Variants in PLCXD3 observed in about 807,000 individuals in gnomAD.
PLCXD3 encodes the protein phosphatidylinositol specific phospholipase C X domain containing 3, also known as PI-PLC X domain-containing protein 3.
In PLCXD3, 19 loss-of-function variants were observed where a neutral mutation model predicts 25.5. The observed-to-expected ratio is 0.75, with a 90% CI of 0.52 to 1.09. The LOEUF is 1.09. Ranked by LOEUF, PLCXD3 falls within the 50% of genes least tolerant of loss-of-function variation. The probability of loss-of-function intolerance (pLI) is 0.00; values close to 1 mark genes in which losing one functional copy is unlikely to be tolerated. For synonymous variants in PLCXD3, 174 were observed against 137.6 expected (o/e 1.26, Z -1.85); for missense variants, 411 against 388.1 (o/e 1.06, Z -0.50).
intron 2 of PLCXD3, among the ~76,000 whole-genome samples, chr5:41,357,563 C>T (rs866028656): frequency 1.7e-4 from 26 of 152,302 alleles, no homozygotes; most frequent in Middle Eastern, 6.8e-3. Flanking sequence ...TCCCTATTTT[C>T]AAAGAGCTGA....
At chr5:41,433,294 T>C (rs1219557157) in intron 1 of PLCXD3, among the ~76,000 whole-genome samples, 1 of 152,186 alleles carries the variant, frequency 6.6e-6, no homozygotes, top group Non-Finnish European at 1.5e-5. Flanking sequence ...ATCTCCTGTT[T>C]GAGGATTTTA....
chr5:41,318,450 G>A (rs939070177), intron 2 of PLCXD3, among the ~76,000 whole-genome samples: 1 of 152,096 alleles, frequency 6.6e-6, no homozygotes, highest in Admixed American at 6.6e-5. Context: ...AAAGTGGGGG[G>A]ATGAAGTTAA....
chr5:41,308,725 T>G lies in PLCXD3; in HGVS notation c.*4892A>C, dbSNP rs1561226302. The stretch of plus-strand genomic sequence containing the variant: ...GATTGAATTTTAAAAAGTAATGGTT[T>G]GGAGAAACAATTTTTCATGGAAAAT... On this transcript the variant is annotated 3_prime_UTR_variant, in exon 3 of 3. Transcript: ENST00000377801. The G allele has an allele frequency of 6.6e-6, 1 of 152,102 alleles. No individual in the cohort carries two copies. The highest frequency in any genetic ancestry group is 1.5e-5 in the Non-Finnish European group (1 of 68,006). The allele number at this position is 152,102 out of a possible 1,614,324, so 9.4% of individuals were successfully genotyped here.
chr5:41,382,556 G>A, intron 1 of PLCXD3, 22 bp from the exon 2 acceptor site: 1 of 1,538,976 alleles, frequency 6.5e-7, no homozygotes. Context: ...ACAAGGCATA[G>A]TGTGGTTAAT....
Position 41,493,884 on chromosome 5 carries a change from C to G in PLCXD3, c.103+16540G>C, listed in dbSNP as rs544291077. On this transcript the variant is annotated intron_variant, in intron 1 of 2. Coordinates refer to ENST00000377801, the MANE Select transcript of PLCXD3 (RefSeq NM_001005473.3). ...AAAGGGAACTCCCTGACCCCTTGCA[C>G]TTCCTGAGTCAGACAATGCCTCGCC... Among the ~76,000 whole-genome samples the G allele has an allele frequency of 2.8e-4, 42 of 152,366 alleles. 1 individual carries two copies. The East Asian group carries it at 8.1e-3, about 29-fold the overall frequency.
chr5:41,348,636 T>G (rs553443484), intron 2 of PLCXD3, among the ~76,000 whole-genome samples: 146 of 151,880 alleles, frequency 9.6e-4, no homozygotes, highest in African/African-American at 3.2e-3. Context: ...AATTACTGAG[T>G]TTTTTTGTTT....
At chr5:41,342,699 G>A (rs1436103893) in intron 2 of PLCXD3, among the ~76,000 whole-genome samples, 4 of 152,064 alleles carry the variant, frequency 2.6e-5, no homozygotes, top group Admixed American at 6.6e-5. Context: ...TAGAACTTTT[G>A]TAGGAGAAAT....
rs551049039 is a variant in PLCXD3 at position 41,341,305 on chromosome 5, C to T, written c.813-27535G>A. Among the ~76,000 whole-genome samples, 6 of 152,144 alleles carry T rather than the reference C, an allele frequency of 3.9e-5. No individual in the cohort carries two copies. In the East Asian group the frequency reaches 5.8e-4, roughly 15 times the overall value. On this transcript the variant is annotated intron_variant, in intron 2 of 2. Coordinates refer to ENST00000377801, the MANE Select transcript of PLCXD3 (RefSeq NM_001005473.3). ...GTGGACAGCTTCCTAGCTGACTCTG[C>T]GAAGTCATTCTTGAAACCAAGACTG... is the stretch of plus-strand genomic sequence containing the variant.
intron 1 of PLCXD3, among the ~76,000 whole-genome samples, chr5:41,494,111 A>G (rs944625822): frequency 6.6e-6 from 1 of 152,054 alleles, no homozygotes; most frequent in Non-Finnish European, 1.5e-5. Flanking sequence ...TTACTTATTT[A>G]TTGTTAAGAC....
chr5:41,460,848 G>T (rs1211131122), intron 1 of PLCXD3, among the ~76,000 whole-genome samples: 2 of 151,880 alleles, frequency 1.3e-5, no homozygotes, highest in African/African-American at 4.8e-5. Context: ...TTCATTGTTT[G>T]GGAATTGTGA....
chr5:41,362,913 C>T (rs1029589225), intron 2 of PLCXD3, among the ~76,000 whole-genome samples: 1 of 152,222 alleles, frequency 6.6e-6, no homozygotes, highest in South Asian at 2.1e-4. Context: ...ACTTTGGCAT[C>T]TCTTCCTGTT....
rs185604630 is a variant in PLCXD3 at position 41,393,583 on chromosome 5, G to T, written c.104-11049C>A. Among the ~76,000 whole-genome samples the T allele has an allele frequency of 3.9e-5, 6 of 152,174 alleles. No individual in the cohort carries two copies. In the East Asian group the frequency reaches 5.8e-4, roughly 15 times the overall value. On this transcript the variant is annotated intron_variant, in intron 1 of 2. Transcript: ENST00000377801. ...TATTAAAAAGTCCTTCAAACAGAAAGAAAAGGACATTAATGAGCAATAAAT... is the reference window on the plus strand; with the variant it reads ...TATTAAAAAGTCCTTCAAACAGAAATAAAAGGACATTAATGAGCAATAAAT...
At chr5:41,384,638 T>C (rs759102715) in intron 1 of PLCXD3, among the ~76,000 whole-genome samples, 1 of 152,098 alleles carries the variant, frequency 6.6e-6, no homozygotes, top group Non-Finnish European at 1.5e-5. Flanking sequence ...GTTTTCAATA[T>C]GGCTTTAGTT....
chr5:41,420,701 T>C (rs1056315279), intron 1 of PLCXD3, among the ~76,000 whole-genome samples: 7 of 152,214 alleles, frequency 4.6e-5, no homozygotes, highest in African/African-American at 1.7e-4. Flanking sequence ...GAATTTATCT[T>C]TGCATGGCAG....
intron 1 of PLCXD3, among the ~76,000 whole-genome samples, chr5:41,493,626 G>A (rs1252924796): frequency 6.6e-6 from 1 of 152,254 alleles, no homozygotes; most frequent in East Asian, 1.9e-4. Flanking sequence ...ATCTAAGCAA[G>A]CCTGGGCAAT....
intron 1 of PLCXD3, among the ~76,000 whole-genome samples, chr5:41,405,401 C>T (rs749336001): frequency 3.3e-5 from 5 of 152,102 alleles, no homozygotes; most frequent in Non-Finnish European, 7.4e-5. Context: ...TGTCTTTCTC[C>T]TGAATTCACA....
At chr5:41,317,863 G>A (rs1213477523) in intron 2 of PLCXD3, among the ~76,000 whole-genome samples, 1 of 152,000 alleles carries the variant, frequency 6.6e-6, no homozygotes, top group Non-Finnish European at 1.5e-5. Flanking sequence ...CATGCCTACA[G>A]GATGCAGAAA....
intron 2 of PLCXD3, among the ~76,000 whole-genome samples, chr5:41,329,791 T>G (rs1419230240): frequency 6.7e-6 from 1 of 149,220 alleles, no homozygotes; most frequent in Non-Finnish European, 1.5e-5. Context: ...TATAATCAGA[T>G]GTATTTAATC....
At chr5:41,459,535 A>G (rs1747828365) in intron 1 of PLCXD3, among the ~76,000 whole-genome samples, 1 of 151,834 alleles carries the variant, frequency 6.6e-6, no homozygotes, top group Non-Finnish European at 1.5e-5. Context: ...CTAGCATCAC[A>G]CTGCTCAAGT....
Sources: gnomAD v4.1 joint callset for allele counts (sites outside exome capture counted in the v4.1 genomes callset) on GRCh38, gnomAD v4.1.1 for gene constraint, MANE v1.5 for transcripts, NCBI Gene and HGNC (gene_info 2026-07-23, HGNC 2026-07-21) for gene names.